Variants in GPC5 observed in about 807,000 individuals in gnomAD.
GPC5 encodes glypican-5.
In GPC5, 47 loss-of-function variants were observed where a neutral mutation model predicts 53.9. That is an observed-to-expected ratio of 0.87 (90% CI 0.69 to 1.11). The LOEUF (loss-of-function observed/expected upper bound fraction) is 1.11, where lower values mean the gene tolerates loss of function less well. Ranked by LOEUF, GPC5 falls within the 50% of genes most tolerant of loss-of-function variation. The pLI, the probability that GPC5 is intolerant of heterozygous loss-of-function variation, is 0.00. For missense variants in GPC5, 748 were observed against 713.1 expected (o/e 1.05, Z -0.56); for synonymous variants, 286 against 263.3 (o/e 1.09, Z -0.84).
chr13:91,790,427 C>G (rs1232470978), intron 5 of GPC5, among the ~76,000 whole-genome samples: 1 of 152,176 alleles, frequency 6.6e-6, no homozygotes, highest in Non-Finnish European at 1.5e-5. Flanking sequence ...CTCTTGCATT[C>G]AGATATTTAT....
intron 7 of GPC5, among the ~76,000 whole-genome samples, chr13:92,343,271 G>A (rs1428147527): frequency 2.0e-5 from 3 of 152,102 alleles, no homozygotes; most frequent in African/African-American, 7.2e-5. Context: ...TTCATCCCAG[G>A]AGGCCAGCAG....
intron 2 of GPC5, among the ~76,000 whole-genome samples, chr13:91,602,554 A>G (rs1437619258): frequency 2.0e-5 from 3 of 152,248 alleles, no homozygotes; most frequent in Non-Finnish European, 4.4e-5. Context: ...GTTATTATCA[A>G]TTTAAAAAGC....
chr13:92,214,197 T>G (rs2042394681), intron 7 of GPC5, among the ~76,000 whole-genome samples: 1 of 152,168 alleles, frequency 6.6e-6, no homozygotes, highest in Admixed American at 6.5e-5. Context: ...AAGTATAAAT[T>G]TTTTTCTATA....
chr13:92,426,009 T>C (rs2139368286), intron 7 of GPC5, among the ~76,000 whole-genome samples: 1 of 152,174 alleles, frequency 6.6e-6, no homozygotes. Context: ...CCCCTGTTGA[T>C]AGGTATTTAG....
chr13:91,926,120 T>C (rs1566345854), intron 6 of GPC5, among the ~76,000 whole-genome samples: 2 of 152,002 alleles, frequency 1.3e-5, no homozygotes, highest in Non-Finnish European at 1.5e-5. Flanking sequence ...CCCAGCACTC[T>C]GGGAGGCGAG....
chr13:91,826,394 A>G (rs1459177425), intron 5 of GPC5, among the ~76,000 whole-genome samples: 1 of 152,112 alleles, frequency 6.6e-6, no homozygotes, highest in African/African-American at 2.4e-5. Context: ...TATTGAAAGT[A>G]TATTGCTTTT....
At chr13:92,373,427 A>G (rs1260217208) in intron 7 of GPC5, among the ~76,000 whole-genome samples, 1 of 152,172 alleles carries the variant, frequency 6.6e-6, no homozygotes, top group African/African-American at 2.4e-5. Context: ...CACTGAACCA[A>G]CTGAAGCCAG....
intron 7 of GPC5, among the ~76,000 whole-genome samples, chr13:92,586,933 C>T (rs2139061469): frequency 6.8e-6 from 1 of 148,006 alleles, no homozygotes; most frequent in East Asian, 2.0e-4. Flanking sequence ...GTATATATGT[C>T]TTTCTCTCTT....
At chr13:92,646,873 A>C (rs891433364) in intron 7 of GPC5, among the ~76,000 whole-genome samples, 3 of 35,614 alleles carry the variant, frequency 8.4e-5, no homozygotes, top group African/African-American at 1.4e-4. Context: ...TATACATCTA[A>C]CTATCTGTAA....
chr13:91,429,136 T>A (rs1438048852), intron 1 of GPC5, among the ~76,000 whole-genome samples: 1 of 152,154 alleles, frequency 6.6e-6, no homozygotes, highest in African/African-American at 2.4e-5. Flanking sequence ...GCCAGGCTGG[T>A]CTCAAACTTC....
At chr13:92,287,347 C>A (rs774743861) in intron 7 of GPC5, among the ~76,000 whole-genome samples, 1 of 152,054 alleles carries the variant, frequency 6.6e-6, no homozygotes, top group African/African-American at 2.4e-5. Flanking sequence ...TGTTCTGTGG[C>A]GTGTTCTTTA....
chr13:92,751,623 G>A (rs1158196625), intron 7 of GPC5, among the ~76,000 whole-genome samples: 1 of 151,026 alleles, frequency 6.6e-6, no homozygotes, highest in African/African-American at 2.4e-5. Flanking sequence ...GGGAGGGATA[G>A]CAGTAGAAGA....
chr13:92,206,430 G>A (rs1320018282), intron 7 of GPC5, among the ~76,000 whole-genome samples: 1 of 151,498 alleles, frequency 6.6e-6, no homozygotes, highest in Non-Finnish European at 1.5e-5. Flanking sequence ...CTCCCAAAGT[G>A]CTGGGAGCTC....
At chr13:91,970,436 C>T (rs967155950) in intron 6 of GPC5, among the ~76,000 whole-genome samples, 7 of 151,722 alleles carry the variant, frequency 4.6e-5, no homozygotes, top group African/African-American at 1.7e-4. Flanking sequence ...GATTGCCCCC[C>T]CCTCACACAT....
At chr13:92,854,699 T>A (rs984902158) in intron 7 of GPC5, among the ~76,000 whole-genome samples, 14 of 152,016 alleles carry the variant, frequency 9.2e-5, no homozygotes, top group African/African-American at 3.4e-4. Flanking sequence ...GCCTGGCAAA[T>A]CCAAAAGAGG....
At chr13:92,223,582 T>A (rs2042464113) in intron 7 of GPC5, among the ~76,000 whole-genome samples, 1 of 152,182 alleles carries the variant, frequency 6.6e-6, no homozygotes, top group Non-Finnish European at 1.5e-5. Flanking sequence ...ATGTTTCAAG[T>A]GATCAGCATA....
intron 7 of GPC5, among the ~76,000 whole-genome samples, chr13:92,825,250 A>G (rs1877807110): frequency 1.3e-5 from 2 of 152,136 alleles, no homozygotes; most frequent in East Asian, 1.9e-4. Flanking sequence ...AAGGATTTAG[A>G]CAGTACGACA....
chr13:92,301,309 A>G (rs9301792), intron 7 of GPC5, among the ~76,000 whole-genome samples: 72,848 of 151,950 alleles, frequency 0.48, 19,458 homozygotes, highest in African/African-American at 0.74. Flanking sequence ...AGACTCTATT[A>G]TTGGAAATTG....
chr13:92,191,498 C>T (rs1454092402), intron 7 of GPC5, among the ~76,000 whole-genome samples: 1 of 152,090 alleles, frequency 6.6e-6, no homozygotes, highest in East Asian at 1.9e-4. Flanking sequence ...CATACTCTTA[C>T]CATATGTTCC....
Sources: gnomAD v4.1 joint callset for allele counts (sites outside exome capture counted in the v4.1 genomes callset) on GRCh38, gnomAD v4.1.1 for gene constraint, MANE v1.5 for transcripts, NCBI Gene and HGNC (gene_info 2026-07-23, HGNC 2026-07-21) for gene names.